The following ZNF208 variants were observed in gnomAD, a reference collection of about 807,000 sequenced individuals.
The protein encoded by ZNF208 is zinc finger protein 208, also known as zinc finger protein 95.
Under a neutral mutation model 12.1 loss-of-function variants are expected in ZNF208, and 10 were observed. The observed-to-expected ratio is 0.83, with a 90% CI of 0.51 to 1.40. The LOEUF (loss-of-function observed/expected upper bound fraction) is 1.40. Among genes scored for constraint, ZNF208 ranks in the 40% most tolerant of loss-of-function variants. ZNF208 has a pLI of 0.00. For missense variants in ZNF208, 1,652 were observed against 1,485.0 expected (o/e 1.11, Z -1.85); for synonymous variants, 497 against 488.4 (o/e 1.02, Z -0.23).
In ZNF208 at chr19:21,970,705, G is replaced by C. The variant is rs1970262645; in HGVS notation, c.*486C>G. 8.5e-7 allele frequency: 1 copy of C among 1,174,416 alleles called. No individual in the cohort carries two copies. The highest frequency in any genetic ancestry group is 1.5e-5 in the African/African-American group (1 of 66,004). 72.7% of individuals were successfully genotyped at this position (1,174,416 alleles called of 1,614,324 possible). On this transcript the variant is annotated 3_prime_UTR_variant, in exon 4 of 4. Transcript: ENST00000397126. ...TTCTCATTTGTAGAGTTTCTCTCCA[G>C]CATGAATTTTCTTATGTGTAGGAGG... is the stretch of plus-strand genomic sequence containing the variant.
intron 1 of ZNF208, among the ~76,000 whole-genome samples, chr19:22,000,125 C>T (rs141199534): frequency 6.6e-6 from 1 of 152,216 alleles, no homozygotes; most frequent in Non-Finnish European, 1.5e-5. Context: ...GAGACTACAT[C>T]TGACAAGCAC....
intron 1 of ZNF208, among the ~76,000 whole-genome samples, chr19:21,999,219 T>A (rs942741316): frequency 8.5e-5 from 13 of 152,178 alleles, no homozygotes; most frequent in Non-Finnish European, 1.9e-4. Context: ...TCATAATGTA[T>A]GTAAGATTTT....
At chr19:21,981,516 T>G (rs552412399) in intron 3 of ZNF208, among the ~76,000 whole-genome samples, 14 of 152,276 alleles carry the variant, frequency 9.2e-5, no homozygotes, top group African/African-American at 3.1e-4. Context: ...ACAGCCTTCA[T>G]GCTAAAAACT....
At chr19:21,953,597 G>T (rs1226043372) in intron 4 of ZNF208, among the ~76,000 whole-genome samples, 1 of 152,150 alleles carries the variant, frequency 6.6e-6, no homozygotes, top group African/African-American at 2.4e-5. Context: ...ATCCTTTACA[G>T]ACATGCAAAT....
intron 1 of ZNF208, among the ~76,000 whole-genome samples, chr19:22,008,249 GCAGAGATCATAC>G (rs1316415181): frequency 1.0e-4 from 15 of 144,404 alleles, no homozygotes; most frequent in Non-Finnish European, 1.9e-4. Context: ...GTTGCAGTGA[GCAGAGATCATAC>G]CACTGCACTC....
intron 1 of ZNF208, chr19:22,009,478 G>C (rs1455568619): frequency 6.6e-6 from 1 of 152,164 alleles, no homozygotes; most frequent in Non-Finnish European, 1.5e-5. Flanking sequence ...GGCCAGGCAC[G>C]GTGGCTTACC....
intron 4 of ZNF208, among the ~76,000 whole-genome samples, chr19:21,951,353 A>G (rs993584702): frequency 2.6e-5 from 4 of 152,220 alleles, no homozygotes; most frequent in Admixed American, 6.5e-5. Flanking sequence ...CTGAAAATGA[A>G]TGTGTATGCA....
At chr19:22,008,004 A>T (rs1971077052) in intron 1 of ZNF208, among the ~76,000 whole-genome samples, 3 of 21,288 alleles carry the variant, frequency 1.4e-4, no homozygotes, top group South Asian at 1.2e-3. Flanking sequence ...GCACTGTCTT[A>T]AAAAAAAAAA....
intron 4 of ZNF208, chr19:21,941,668 CAAAGT>C (rs1969744444): frequency 3.0e-6 from 1 of 338,068 alleles, no homozygotes; most frequent in African/African-American, 2.2e-5. Flanking sequence ...TTGAATTGTT[CAAAGT>C]AAGTATATTT....
At chr19:21,947,364 C>T (rs1462833241) in intron 4 of ZNF208, among the ~76,000 whole-genome samples, 1 of 152,150 alleles carries the variant, frequency 6.6e-6, no homozygotes, top group Non-Finnish European at 1.5e-5. Context: ...TGTTCTGGGG[C>T]ATATGCTATA....
At chr19:22,001,877 A>G (rs1288526321) in intron 1 of ZNF208, among the ~76,000 whole-genome samples, 3 of 125,270 alleles carry the variant, frequency 2.4e-5, no homozygotes, top group Non-Finnish European at 4.9e-5. Context: ...TGGATGACAC[A>G]GTGAGACTCC....
intron 3 of ZNF208, among the ~76,000 whole-genome samples, chr19:21,980,314 T>C (rs1451852296): frequency 6.6e-6 from 1 of 151,928 alleles, no homozygotes; most frequent in African/African-American, 2.4e-5. Context: ...ACAACATACT[T>C]GGAAGTAAAA....
chr19:21,963,422 T>C (rs140832738), downstream of ZNF208, among the ~76,000 whole-genome samples: 491 of 152,176 alleles, frequency 3.2e-3, 1 homozygote, highest in Middle Eastern at 6.8e-3. Flanking sequence ...TTTCATAACA[T>C]TGAAGAAATG....
In ZNF208 at chr19:21,972,708, G is replaced by A. The variant is rs375447085; in HGVS notation, c.2326C>T (p.Pro776Ser). The A allele has an allele frequency of 4.4e-6, 7 of 1,591,000 alleles. No individual in the cohort carries two copies. In the African/African-American group the frequency reaches 9.5e-5, roughly 22 times the overall value. The change falls in exon 4 of 4, where the codon CCC becomes TCC. Residue 776 changes from proline (P) to serine (S), a missense_variant. Physicochemically the swap from Pro to Ser is moderately conservative, Grantham distance 74. This residue lies in a region of ZNF208 where 1,239 missense variants were observed against 1,086.2 expected (regional missense o/e 1.14). Transcript: ENST00000397126. Reference sequence around the variant, plus strand: ...TTGCCACATTCTTCACATTTGTAGGGTTTCTCTACAGTATGAATTTTCTTA... The same window carrying A: ...TTGCCACATTCTTCACATTTGTAGGATTTCTCTACAGTATGAATTTTCTTA... Reference protein sequence around the residue: ...YHKKIHTVEKPYKCEECGKAF... With the variant: ...YHKKIHTVEKSYKCEECGKAF...
chr19:21,989,845 A>AT (rs1454504781), intron 1 of ZNF208, among the ~76,000 whole-genome samples: 1 of 152,030 alleles, frequency 6.6e-6, no homozygotes, highest in Non-Finnish European at 1.5e-5. Context: ...GATGATGAGC[A>AT]TTTTTTCATG....
Position 21,974,122 on chromosome 19 carries a change from C to T in ZNF208, c.912G>A (p.Lys304=). The T allele has an allele frequency of 6.2e-7, 1 of 1,607,346 alleles. No homozygotes were observed. The highest frequency in any genetic ancestry group is 8.5e-7 in the Non-Finnish European group (1 of 1,176,912). Residue 304 remains lysine, a synonymous_variant, in exon 4 of 4, where the codon AAG becomes AAA. Coordinates refer to ENST00000397126, the MANE Select transcript of ZNF208 (RefSeq NM_007153.3). ...AGGGCTTCTCTCCAGCATGAATTGC[C>T]TTATGTGTAGTAAGAGTCGAGACCT... ...FSKVSTLTTH[K]AIHAGEKPYK...
Position 21,970,087 on chromosome 19 carries a change from T to C in ZNF208, c.*1104A>G, listed in dbSNP as rs569286199. Among the ~76,000 whole-genome samples, 101 of 152,242 alleles carry C rather than the reference T, an allele frequency of 6.6e-4. No individual in the cohort carries two copies. The highest frequency in any genetic ancestry group is 7.9e-4 in the Non-Finnish European group (54 of 68,038). The stretch of plus-strand genomic sequence containing the variant: ...ACAGCCACTTAAAGGCTTTGTCATA[T>C]TCTTCACTTTTCTAGGATTTCTCAT... On this transcript the variant is annotated 3_prime_UTR_variant, in exon 4 of 4. Coordinates refer to ENST00000397126, the MANE Select transcript of ZNF208 (RefSeq NM_007153.3).
rs753691282 is a variant in ZNF208, at chr19:21,973,304, A to C, written c.1730T>G (p.Val577Gly). 77 of 1,592,386 alleles carry C rather than the reference A, an allele frequency of 4.8e-5. No homozygotes were observed. In the Admixed American group the frequency reaches 6.4e-4, roughly 13 times the overall value. The change falls in exon 4 of 4, where the codon GTA becomes GGA. Residue 577 changes from valine to glycine, a missense_variant. Physicochemically the swap from Val to Gly is moderately radical, Grantham distance 109 (BLOSUM62 -3). Coordinates refer to ENST00000397126, the MANE Select transcript of ZNF208 (RefSeq NM_007153.3). ...TLSYHKKIHT[V>G]EKPYKCEECG... ...TTCTTCACATTTGTAGGGTTTCTCTACAGTATGAATTTTCTTATGATAACT... is the reference window on the plus strand; with the variant it reads ...TTCTTCACATTTGTAGGGTTTCTCTCCAGTATGAATTTTCTTATGATAACT...
At chr19:21,962,401 C>T (rs1009190294), downstream of ZNF208, among the ~76,000 whole-genome samples, 1 of 152,002 alleles carries the variant, frequency 6.6e-6, no homozygotes, top group African/African-American at 2.4e-5. Context: ...TTCATTTAGA[C>T]TTTATTTGGT....
Sources: allele counts gnomAD v4.1 joint callset (sites outside exome capture counted in the v4.1 genomes callset), GRCh38; gene constraint gnomAD v4.1.1; regional missense constraint gnomAD v4.1.1; transcripts MANE v1.5; gene names NCBI Gene and HGNC (gene_info 2026-07-23, HGNC 2026-07-21).